CAND2: variants seen among roughly 807,000 people sequenced by gnomAD.
CAND2 encodes the protein cullin associated and neddylation dissociated 2 (putative).
Under a neutral mutation model 98.9 loss-of-function variants are expected in CAND2, and 62 were observed. The observed-to-expected ratio is 0.63, with a 90% CI of 0.51 to 0.77. The LOEUF is 0.77. Ranked by LOEUF, CAND2 falls within the 30% of genes least tolerant of loss-of-function variation. The pLI is 0.00. For synonymous variants in CAND2, 770 were observed against 731.9 expected (o/e 1.05, Z -0.84); for missense variants, 1,501 against 1,655.2 (o/e 0.91, Z 1.62).
intron 1 of CAND2, among the ~76,000 whole-genome samples, chr3:12,797,136 CCTT>C (rs1169313725): frequency 1.7e-4 from 26 of 150,384 alleles, no homozygotes; most frequent in Admixed American, 1.5e-3. Context: ...TGTCCGGCCC[CCTT>C]CTTCCCCCGC....
chr3:12,816,586 C>T lies in CAND2; in HGVS notation c.1654C>T (p.Leu552=), dbSNP rs1226264801. ...LVVLQELVRA[L]WPLHRPRMLD... is the part of the protein sequence containing the mutation. ...GGTGCTGCAGGAGCTGGTGCGGGCC[C>T]TGTGGCCGCTGCACAGGCCTCGGAT... Residue 552 remains leucine, a synonymous_variant, in exon 10 of 15, where the codon CTG becomes TTG. Transcript: ENST00000456430. The T allele has an allele frequency of 6.2e-7, 1 of 1,613,882 alleles. No individual in the cohort carries two copies. The highest frequency in any genetic ancestry group is 8.5e-7 in the Non-Finnish European group (1 of 1,180,014).
chr3:12,814,638 C>T lies in CAND2; in HGVS notation c.1007-503C>T, dbSNP rs1350049611. Among the ~76,000 whole-genome samples, 5 of 152,130 alleles carry T rather than the reference C, an allele frequency of 3.3e-5. No individual in the cohort carries two copies. The South Asian group carries it at 8.3e-4, about 25-fold the overall frequency. On this transcript the variant is annotated intron_variant, in intron 7 of 14. Transcript: ENST00000456430. ...CCAAAGGGAGGCTCTGTCCCTTCTC[C>T]CTTCTGGAGTCCCAGTAAACGAAAC...
chr3:12,827,030 G>A (rs2002725), intron 12 of CAND2, among the ~76,000 whole-genome samples: 45,288 of 151,730 alleles, frequency 0.3, 7,181 homozygotes, highest in Admixed American at 0.4. Context: ...GTGAAGTTTC[G>A]CCATGTTAGC....
At position 12,812,721 on chromosome 3, in the gene CAND2, C is replaced by T. The variant is rs2061863437; in HGVS notation, c.758-269C>T. 3.3e-5 allele frequency among the ~76,000 whole-genome samples: 5 copies of T among 152,202 alleles called. No individual in the cohort carries two copies. In the South Asian group the frequency reaches 1.0e-3, roughly 31 times the overall value. On this transcript the variant is annotated intron_variant, in intron 5 of 14. Coordinates refer to ENST00000456430, the MANE Select transcript of CAND2 (RefSeq NM_001162499.2). Reference sequence around the variant, plus strand: ...AGCTATTTATCATTATATAATTTATCTTCACAAAATCTCTGCCCAGGAGGC... The same window carrying T: ...AGCTATTTATCATTATATAATTTATTTTCACAAAATCTCTGCCCAGGAGGC...
At chr3:12,809,207 A>G (rs185568194) in intron 4 of CAND2, among the ~76,000 whole-genome samples, 147 of 151,904 alleles carry the variant, frequency 9.7e-4, no homozygotes, top group African/African-American at 3.4e-3. Context: ...GATGGGGTGC[A>G]CTCCGGGAGC....
chr3:12,805,390 C>T (rs141362782), intron 2 of CAND2, among the ~76,000 whole-genome samples: 9 of 151,634 alleles, frequency 5.9e-5, no homozygotes, highest in African/African-American at 9.7e-5. Flanking sequence ...CAGGTTCAAG[C>T]GATTCCCATG....
intron 5 of CAND2, among the ~76,000 whole-genome samples, chr3:12,811,608 G>A (rs1212491565): frequency 6.6e-6 from 1 of 152,232 alleles, no homozygotes; most frequent in African/African-American, 2.4e-5. Flanking sequence ...GTCTCGCTCT[G>A]TTGCCCAGGC....
At chr3:12,810,533 G>A (rs1254336062) in intron 5 of CAND2, among the ~76,000 whole-genome samples, 1 of 152,242 alleles carries the variant, frequency 6.6e-6, no homozygotes, top group Non-Finnish European at 1.5e-5. Context: ...AAACGCAGAG[G>A]TTGGGGCCGG....
rs2062084756 is a variant in CAND2, at chr3:12,834,641, GCATCTTCCATGCCACCACCCAGGCATAAC to G, written c.*662_*690del. On this transcript the variant is annotated 3_prime_UTR_variant, in exon 15 of 15. Coordinates refer to ENST00000456430, the MANE Select transcript of CAND2 (RefSeq NM_001162499.2). ...TTATTAGCAAATTGGGCAACAATGGGCATCTTCCATGCCACCACCCAGGCATAACCAGTTGGTTTGTTTCCTTCTGAGGA... is the reference window on the plus strand; with the variant it reads ...TTATTAGCAAATTGGGCAACAATGGGCAGTTGGTTTGTTTCCTTCTGAGGA... 1 of 152,528 alleles carries G rather than the reference GCATCTTCCATGCCACCACCCAGGCATAAC, an allele frequency of 6.6e-6. No individual in the cohort carries two copies. Among genetic ancestry groups the G allele is most frequent in the African/African-American group, 2.4e-5 (1 of 41,446 alleles). 9.4% of individuals were successfully genotyped at this position (152,528 alleles called of 1,614,324 possible).
intron 14 of CAND2, 84 bp downstream of exon 14, chr3:12,831,656 C>G (rs1313848623): frequency 5.1e-6 from 4 of 786,288 alleles, no homozygotes; most frequent in East Asian, 5.3e-5. Flanking sequence ...TTACTGAGCA[C>G]TTCCTGCAGT....
rs1190013691 is a variant in CAND2 at position 12,827,326 on chromosome 3, C to A, written c.3211-114C>A. 5 of 976,934 alleles carry A rather than the reference C, an allele frequency of 5.1e-6. No homozygotes were observed. The African/African-American group carries it at 8.2e-5, about 16-fold the overall frequency. The allele number at this position is 976,934 out of a possible 1,614,324, so 60.5% of individuals were successfully genotyped here. The stretch of plus-strand genomic sequence containing the variant: ...GGCATGGAGACTTGAGAGTATAAGG[C>A]ACGATTTGGGGCTGGCATGGATTGT... On this transcript the variant is annotated intron_variant, in intron 12 of 14. Transcript: ENST00000456430.
intron 10 of CAND2, among the ~76,000 whole-genome samples, chr3:12,818,393 G>A (rs1451008184): frequency 2.0e-5 from 3 of 152,254 alleles, no homozygotes; most frequent in Non-Finnish European, 4.4e-5. Flanking sequence ...AGCCTGCAGA[G>A]GGTCAGCTCT....
chr3:12,815,225 G>A lies in CAND2; in HGVS notation c.1091G>A (p.Ser364Asn). ...AAAKCIAALI[S>N]SRPDLLPDFH... ...GCCAAGTGCATCGCAGCCTTGATCA[G>A]CTCGCGGCCTGACCTGCTGCCCGAT... The change falls in exon 8 of 15, where the codon AGC (serine) becomes AAC (asparagine). Residue 364 changes from serine to asparagine, a missense_variant. Physicochemically the swap from Ser to Asn is conservative, Grantham distance 46. Transcript: ENST00000456430. This position sits in a 1 kb window ranked among gnomAD's most constrained non-coding sequence, Gnocchi z 5.7. 1 of 1,613,904 alleles carries A rather than the reference G, an allele frequency of 6.2e-7. No individual in the cohort carries two copies. The highest frequency in any genetic ancestry group is 8.5e-7 in the Non-Finnish European group (1 of 1,180,042).
In CAND2 at chr3:12,803,471, C is replaced by T. The variant is rs1224613508; in HGVS notation, c.69-17C>T. On this transcript the variant is annotated splice_polypyrimidine_tract_variant and intron_variant, in intron 1 of 14. Coordinates refer to ENST00000456430, the MANE Select transcript of CAND2 (RefSeq NM_001162499.2). ...CCCAGGAGCTGCTCAGCAATCTCCT[C>T]CACCCTCCCTGTGCAGGTTCATGGC... 6.3e-7 allele frequency: 1 copy of T among 1,587,058 alleles called. No homozygotes were observed. Among genetic ancestry groups the T allele is most frequent in the Non-Finnish European group, 8.6e-7 (1 of 1,165,914 alleles).
chr3:12,816,573 G>T lies in CAND2; in HGVS notation c.1641G>T (p.Glu547Asp). The T allele has an allele frequency of 6.2e-7, 1 of 1,613,944 alleles. No individual in the cohort carries two copies. The highest frequency in any genetic ancestry group is 8.5e-7 in the Non-Finnish European group (1 of 1,180,030). ...CCGAGGCCCTGGTGGTGCTGCAGGA[G>T]CTGGTGCGGGCCCTGTGGCCGCTGC... ...IAAEALVVLQELVRALWPLHR... is the reference protein window; with the variant it reads ...IAAEALVVLQDLVRALWPLHR... The change falls in exon 10 of 15, where the codon GAG (glutamate) becomes GAT (aspartate). Residue 547 changes from glutamate to aspartate, a missense_variant. Transcript: ENST00000456430.
At position 12,825,597 on chromosome 3, in the gene CAND2, C is replaced by A. The variant is rs777423012; in HGVS notation, c.3168C>A (p.Leu1056=). The A allele has an allele frequency of 6.2e-7, 1 of 1,609,788 alleles. No individual in the cohort carries two copies. Among genetic ancestry groups the A allele is most frequent in the South Asian group, 1.1e-5 (1 of 89,674 alleles). ...VRDLLDDILP[L]LYQETKIRRD... ...ACCTGCTGGATGACATCCTGCCCCTCCTCTACCAGGAGACAAAGATCCGGC... is the reference window on the plus strand; with the variant it reads ...ACCTGCTGGATGACATCCTGCCCCTACTCTACCAGGAGACAAAGATCCGGC... Residue 1056 remains leucine, a synonymous_variant, in exon 12 of 15, where the codon CTC becomes CTA. Transcript: ENST00000456430.
In CAND2 at chr3:12,803,440, C is replaced by G. The variant is rs371392411; in HGVS notation, c.69-48C>G. On this transcript the variant is annotated intron_variant, in intron 1 of 14. Transcript: ENST00000456430. ...AACCCTGAGGTACTGCCCAAATCCA[C>G]CAGGGCCCAGGAGCTGCTCAGCAAT... The G allele has an allele frequency of 5.5e-4, 842 of 1,526,208 alleles. 1 individual carries two copies. Among genetic ancestry groups the G allele is most frequent in the Admixed American group, 1.8e-3 (87 of 48,202 alleles). 94.5% of individuals were successfully genotyped at this position (1,526,208 alleles called of 1,614,324 possible).
Position 12,813,022 on chromosome 3 carries a change from G to A in CAND2, c.790G>A (p.Glu264Lys). ...AHLDRLVPLV[E>K]DFCNLDDDEL... is the part of the protein sequence containing the mutation. ...CCTGGACCGCCTGGTGCCCCTGGTG[G>A]AGGATTTCTGCAACCTGGATGATGA... Residue 264 changes from glutamate (E) to lysine (K), a missense_variant, in exon 6 of 15, where the codon GAG (glutamate) becomes AAG (lysine). This residue lies in a region of CAND2 where 1,427 missense variants were observed against 1,545.3 expected (regional missense o/e 0.92). Coordinates refer to ENST00000456430, the MANE Select transcript of CAND2 (RefSeq NM_001162499.2). The A allele has an allele frequency of 6.3e-7, 1 of 1,581,792 alleles. No homozygotes were observed. The highest frequency in any genetic ancestry group is 8.6e-7 in the Non-Finnish European group (1 of 1,164,958).
At chr3:12,819,051 G>T (rs967213692) in intron 10 of CAND2, among the ~76,000 whole-genome samples, 1 of 152,132 alleles carries the variant, frequency 6.6e-6, no homozygotes, top group East Asian at 1.9e-4. Context: ...TAGGTTCCTG[G>T]GACTTCCTTA....
Sources: gnomAD v4.1 joint callset for allele counts (sites outside exome capture counted in the v4.1 genomes callset) on GRCh38, gnomAD v4.1.1 for gene constraint, gnomAD v4.1.1 regional missense constraint, Gnocchi (gnomAD v3.1) non-coding constraint, MANE v1.5 for transcripts, NCBI Gene and HGNC (gene_info 2026-07-23, HGNC 2026-07-21) for gene names.